The following PHF20 variants were observed in gnomAD, a reference collection of about 807,000 sequenced individuals.
The protein encoded by PHF20 is glioma-expressed antigen 2.
Under a neutral mutation model 113.5 loss-of-function variants are expected in PHF20, and 23 were observed. The observed-to-expected ratio is 0.20, with a 90% confidence interval of 0.15 to 0.29. PHF20 has a LOEUF of 0.29. Ranked by LOEUF, PHF20 falls within the 10% of genes least tolerant of loss-of-function variation. PHF20 has a pLI of 1.00. For missense variants in PHF20, 943 were observed against 1,219.6 expected, an observed-to-expected ratio of 0.77 and a Z score of 3.38; for synonymous variants, 434 against 457.3, an observed-to-expected ratio of 0.95 and a Z score of 0.65.
chr20:35,813,895 G>A (rs1436724566), intron 2 of PHF20, among the ~76,000 whole-genome samples: 1 of 124,320 alleles, frequency 8.0e-6, no homozygotes, highest in East Asian at 2.4e-4. Flanking sequence ...TCACACCATT[G>A]CACTCCAGCC....
intron 3 of PHF20, among the ~76,000 whole-genome samples, chr20:35,843,578 C>T (rs1035107167): frequency 6.7e-6 from 1 of 150,330 alleles, no homozygotes; most frequent in South Asian, 2.1e-4. Context: ...TACTAAGTCT[C>T]ATATGCAAGG....
chr20:35,947,348 TTGCCCC>T, intron 17 of PHF20, 131 bp from the exon 18 acceptor site: 2 of 782,240 alleles, frequency 2.6e-6, no homozygotes, highest in Non-Finnish European at 4.0e-6. Context: ...CCTTCCTCCC[TTGCCCC>T]ATGGAGGCTG....
intron 13 of PHF20, among the ~76,000 whole-genome samples, chr20:35,925,226 G>T (rs570216944): frequency 6.9e-6 from 1 of 145,164 alleles, no homozygotes. Flanking sequence ...ATTTTTTCTA[G>T]TTCTGAAGCT....
intron 2 of PHF20, among the ~76,000 whole-genome samples, chr20:35,817,965 T>G (rs1246033913): frequency 6.6e-6 from 1 of 151,444 alleles, no homozygotes; most frequent in Non-Finnish European, 1.5e-5. Context: ...AAAAATTATA[T>G]TTTTATAATT....
intron 2 of PHF20, chr20:35,801,898 C>G (rs974379302): frequency 8.6e-6 from 2 of 233,470 alleles, no homozygotes; most frequent in Non-Finnish European, 1.7e-5. Flanking sequence ...TGGCAGCTCT[C>G]TTGCTCCTGG....
chr20:35,828,140 C>T (rs1196058378), intron 2 of PHF20, among the ~76,000 whole-genome samples: 2 of 152,128 alleles, frequency 1.3e-5, no homozygotes, highest in African/African-American at 2.4e-5. Flanking sequence ...TCTCCTGCCT[C>T]AGCCTCCCGA....
chr20:35,887,451 C>T (rs2054755640), intron 9 of PHF20, among the ~76,000 whole-genome samples: 1 of 152,184 alleles, frequency 6.6e-6, no homozygotes. Context: ...GCATTCAGTC[C>T]TTCTAGACTG....
At chr20:35,779,763 C>T (rs1176467074) in intron 1 of PHF20, among the ~76,000 whole-genome samples, 1 of 152,102 alleles carries the variant, frequency 6.6e-6, no homozygotes, top group Non-Finnish European at 1.5e-5. Context: ...TCAAGTGATC[C>T]ACCCGCCTCG....
At chr20:35,849,852 T>C (rs1345618638) in intron 4 of PHF20, among the ~76,000 whole-genome samples, 1 of 152,162 alleles carries the variant, frequency 6.6e-6, no homozygotes, top group Non-Finnish European at 1.5e-5. Flanking sequence ...TGTAGATTTA[T>C]CTTTAGAAGG....
At chr20:35,777,561 A>G (rs1442647627) in intron 1 of PHF20, among the ~76,000 whole-genome samples, 1 of 152,206 alleles carries the variant, frequency 6.6e-6, no homozygotes, top group Non-Finnish European at 1.5e-5. Context: ...TACGCCTGTA[A>G]TCCCAACACT....
Position 35,833,717 on chromosome 20 carries a change from G to A in PHF20, c.84-8856G>A, listed in dbSNP as rs181236503. Among the ~76,000 whole-genome samples the A allele has an allele frequency of 9.1e-4, 139 of 152,084 alleles. 2 individuals carry two copies. The highest frequency in any genetic ancestry group is 6.8e-3 in the Middle Eastern group (2 of 294). On this transcript the variant is annotated intron_variant, in intron 2 of 17. Transcript: ENST00000374012. ...CCAACCCTCTAGTTAGAAAAAATGG[G>A]ACTCTGATGAAAAAGTTTAATGTGG...
At chr20:35,827,751 C>G (rs2042287593) in intron 2 of PHF20, among the ~76,000 whole-genome samples, 1 of 150,342 alleles carries the variant, frequency 6.7e-6, no homozygotes, top group Non-Finnish European at 1.5e-5. Context: ...CCACTGCGCT[C>G]CAGCCTGGGC....
At chr20:35,883,552 A>G (rs1275861139) in intron 9 of PHF20, among the ~76,000 whole-genome samples, 1 of 151,790 alleles carries the variant, frequency 6.6e-6, no homozygotes, top group African/African-American at 2.4e-5. Flanking sequence ...GATCCTCCCC[A>G]CTGTTCAGCC....
intron 2 of PHF20, among the ~76,000 whole-genome samples, chr20:35,815,088 C>T (rs902242217): frequency 2.0e-5 from 3 of 150,718 alleles, no homozygotes; most frequent in African/African-American, 4.9e-5. Flanking sequence ...TCCAGCTACT[C>T]GGGAGGTTGA....
At chr20:35,883,822 A>ATTG (rs2147019969) in intron 9 of PHF20, among the ~76,000 whole-genome samples, 1 of 152,286 alleles carries the variant, frequency 6.6e-6, no homozygotes, top group Admixed American at 6.5e-5. Flanking sequence ...ATCAAGTGAA[A>ATTG]TGAACAGAGT....
In PHF20 at chr20:35,948,916, T is replaced by C. The variant is rs756891869; in HGVS notation, c.*1289T>C. On this transcript the variant is annotated 3_prime_UTR_variant, in exon 18 of 18. Coordinates refer to ENST00000374012, the MANE Select transcript of PHF20 (RefSeq NM_016436.5). ...ATGGGTTTATGAGTCTGTAATGTTA[T>C]ATGCTGCAAACATTTACTATGTAAA... is the stretch of plus-strand genomic sequence containing the variant. The C allele has an allele frequency of 6.6e-6, 1 of 152,668 alleles. No individual in the cohort carries two copies. Among genetic ancestry groups the C allele is most frequent in the Non-Finnish European group, 1.5e-5 (1 of 68,044 alleles). The allele number at this position is 152,668 out of a possible 1,614,324, so 9.5% of individuals were successfully genotyped here. A position where few individuals can be genotyped will look rare whatever the true frequency, so the allele number is the denominator to read the frequency against.
chr20:35,925,677 G>A (rs1237465299), intron 13 of PHF20, among the ~76,000 whole-genome samples: 3 of 150,322 alleles, frequency 2.0e-5, no homozygotes. Context: ...CTCTGTGTGT[G>A]TTCTTCAAAT....
At chr20:35,796,914 C>T (rs983481238) in intron 1 of PHF20, among the ~76,000 whole-genome samples, 3 of 152,156 alleles carry the variant, frequency 2.0e-5, no homozygotes, top group African/African-American at 7.2e-5. Context: ...ACCATGGTAA[C>T]ATTACATTAG....
rs1439330985 is a variant in PHF20 at position 35,872,453 on chromosome 20, G to T, written c.1282+624G>T. On this transcript the variant is annotated intron_variant, in intron 9 of 17. Coordinates refer to ENST00000374012, the MANE Select transcript of PHF20 (RefSeq NM_016436.5). ...CAGGAGAATTGCTTGAACCCAGGAG[G>T]CGGAGGTTGCGGTGAGCCAAGATCA... Among the ~76,000 whole-genome samples the T allele has an allele frequency of 2.0e-5, 3 of 152,150 alleles. No homozygotes were observed. The East Asian group carries it at 5.8e-4, about 29-fold the overall frequency.
Sources: gnomAD v4.1 joint callset for allele counts (sites outside exome capture counted in the v4.1 genomes callset) on GRCh38, gnomAD v4.1.1 for gene constraint, MANE v1.5 for transcripts, NCBI Gene and HGNC (gene_info 2026-07-23, HGNC 2026-07-21) for gene names.